Variants in CANX observed in about 807,000 individuals in gnomAD.
CANX encodes the protein calnexin.
CANX carries 14 observed loss-of-function variants against 75.7 expected under a neutral mutation model. That is an observed-to-expected ratio of 0.19 (90% CI 0.12 to 0.29). CANX has a LOEUF of 0.29. Ranked by LOEUF, CANX falls within the 10% of genes least tolerant of loss-of-function variation. The pLI is 1.00. For synonymous variants in CANX, 227 were observed against 236.9 expected (o/e 0.96, Z 0.38); for missense variants, 567 against 713.2 (o/e 0.79, Z 2.34).
chr5:179,685,020 C>T (rs1290903277), intron 1 of CANX, among the ~76,000 whole-genome samples: 1 of 139,006 alleles, frequency 7.2e-6, no homozygotes, highest in African/African-American at 2.6e-5. Context: ...TCAAGTGATC[C>T]ATCTGCCTCT....
intron 3 of CANX, 51 bp downstream of exon 3, chr5:179,706,382 T>A: frequency 1.1e-6 from 1 of 890,738 alleles, no homozygotes; most frequent in Non-Finnish European, 1.8e-6. Flanking sequence ...GTAAATAAGA[T>A]GGGATAGTAG....
intron 1 of CANX, among the ~76,000 whole-genome samples, chr5:179,692,276 T>C (rs1244821996): frequency 6.6e-6 from 1 of 152,018 alleles, no homozygotes. Flanking sequence ...GGTTTCACCA[T>C]GTTGGCCAGG....
upstream of CANX, chr5:179,694,490 C>T: frequency 1.3e-6 from 1 of 747,594 alleles, no homozygotes; most frequent in South Asian, 1.4e-5. Flanking sequence ...TCTTCCTGTT[C>T]TCTTCGGAAA....
chr5:179,710,147 G>T (rs976431200), intron 7 of CANX, 82 bp downstream of exon 7: 1 of 880,672 alleles, frequency 1.1e-6, no homozygotes, highest in Non-Finnish European at 1.7e-6. Context: ...ATCTGGCCGG[G>T]CACTGTGGCT....
intron 8 of CANX, among the ~76,000 whole-genome samples, chr5:179,716,496 C>A (rs1023988623): frequency 1.3e-5 from 2 of 152,160 alleles, no homozygotes; most frequent in African/African-American, 4.8e-5. Flanking sequence ...TTTTACAAGC[C>A]ACAGAATGCC....
At chr5:179,718,424 T>C (rs1778103655) in intron 8 of CANX, among the ~76,000 whole-genome samples, 2 of 152,176 alleles carry the variant, frequency 1.3e-5, no homozygotes, top group South Asian at 2.1e-4. Flanking sequence ...GATTTCACCA[T>C]GTTGGCCAGG....
chr5:179,708,721 A>G (rs916772386), intron 5 of CANX, among the ~76,000 whole-genome samples: 1 of 152,130 alleles, frequency 6.6e-6, no homozygotes, highest in Non-Finnish European at 1.5e-5. Context: ...CTGGTTACTC[A>G]TTTTCCTGAC....
At chr5:179,681,810 T>C (rs766308612) in intron 1 of CANX, among the ~76,000 whole-genome samples, 1 of 151,872 alleles carries the variant, frequency 6.6e-6, no homozygotes, top group Non-Finnish European at 1.5e-5. Context: ...TAGCTGGGCG[T>C]GGTGGCATGC....
chr5:179,678,670 C>T (rs1184395977), exon 1 of CANX: 5 of 1,535,632 alleles, frequency 3.3e-6, no homozygotes, highest in South Asian at 1.2e-5. Context: ...GCCCGGCGCG[C>T]GCCGCAGCCG....
At chr5:179,689,382 T>G (rs984034531) in intron 1 of CANX, among the ~76,000 whole-genome samples, 13 of 139,536 alleles carry the variant, frequency 9.3e-5, no homozygotes, top group Non-Finnish European at 6.2e-5. Context: ...CCAACAAGTT[T>G]TTTTTTTTTT....
intron 13 of CANX, 98 bp downstream of exon 13, chr5:179,724,881 G>GCCACCACGCC: frequency 6.8e-7 from 1 of 1,461,874 alleles, no homozygotes; most frequent in Non-Finnish European, 9.1e-7. Context: ...GCCAGGCGTG[G>GCCACCACGCC]TGGCTCAAGC....
At chr5:179,713,554 A>G (rs1777725446) in intron 7 of CANX, among the ~76,000 whole-genome samples, 1 of 152,204 alleles carries the variant, frequency 6.6e-6, no homozygotes, top group East Asian at 1.9e-4. Context: ...TAGGGAAATT[A>G]TAGTTAGAAC....
intron 1 of CANX, among the ~76,000 whole-genome samples, chr5:179,685,678 C>T (rs1776178797): frequency 6.6e-6 from 1 of 151,592 alleles, no homozygotes; most frequent in East Asian, 1.9e-4. Context: ...CCTCAGCCTC[C>T]CAAGTAGCTG....
intron 1 of CANX, chr5:179,704,525 A>AG (rs887725498): frequency 2.3e-5 from 3 of 129,122 alleles, no homozygotes; most frequent in African/African-American, 8.2e-5. Context: ...GACTCATCTC[A>AG]GGAAAAAAAA....
At chr5:179,696,036 C>A (rs1212948927), upstream of CANX, among the ~76,000 whole-genome samples, 1 of 152,018 alleles carries the variant, frequency 6.6e-6, no homozygotes, top group Non-Finnish European at 1.5e-5. Context: ...CCTCCCACCT[C>A]GGCCTCCTGA....
In CANX at chr5:179,728,816, T is replaced by TA; in HGVS notation, c.*173dup. The stretch of plus-strand genomic sequence containing the variant: ...GTAACTTTAAACATCTAGCAGTAAA[T>TA]ACTTGCAGTTGTGATATAAAGGACC... On this transcript the variant is annotated 3_prime_UTR_variant, in exon 15 of 15. Coordinates refer to ENST00000247461, the MANE Select transcript of CANX (RefSeq NM_001746.4). The TA allele has an allele frequency of 2.9e-6, 2 of 700,056 alleles. No individual in the cohort carries two copies. The highest frequency in any genetic ancestry group is 5.3e-6 in the Non-Finnish European group (2 of 374,974). 43.4% of individuals were successfully genotyped at this position (700,056 alleles called of 1,614,324 possible). A position where few individuals can be genotyped will look rare whatever the true frequency, so the allele number is the denominator to read the frequency against.
intron 1 of CANX, 58 bp from the exon 2 acceptor site, chr5:179,705,621 T>C: frequency 7.9e-7 from 1 of 1,258,338 alleles, no homozygotes; most frequent in South Asian, 1.4e-5. Context: ...TGGTTAGTGA[T>C]CTTCATGAAG....
At chr5:179,691,938 C>G (rs982034531) in intron 1 of CANX, among the ~76,000 whole-genome samples, 6 of 151,548 alleles carry the variant, frequency 4.0e-5, no homozygotes, top group African/African-American at 1.5e-4. Context: ...CCACCACGCC[C>G]GGCTAATTTT....
At chr5:179,699,952 A>G (rs905893584) in intron 1 of CANX, among the ~76,000 whole-genome samples, 1 of 152,198 alleles carries the variant, frequency 6.6e-6, no homozygotes, top group Non-Finnish European at 1.5e-5. Flanking sequence ...TTGTCAAGTA[A>G]TGGATATAAT....
Sources: allele counts gnomAD v4.1 joint callset (sites outside exome capture counted in the v4.1 genomes callset), GRCh38; gene constraint gnomAD v4.1.1; transcripts MANE v1.5; gene names NCBI Gene and HGNC (gene_info 2026-07-23, HGNC 2026-07-21).